Variants in CTNNA3 observed in about 807,000 individuals in gnomAD.
CTNNA3 encodes the protein catenin alpha-3.
CTNNA3 carries 76 observed loss-of-function variants against 95.7 expected under a neutral mutation model. That is an observed-to-expected ratio of 0.79 (90% CI 0.66 to 0.96). The LOEUF is 0.96. Among genes scored for constraint, CTNNA3 ranks in the 40% least tolerant of loss-of-function variants. The pLI is 0.00. For missense variants in CTNNA3, 1,191 were observed against 1,089.8 expected (o/e 1.09, Z -1.31); for synonymous variants, 431 against 374.4 (o/e 1.15, Z -1.74).
intron 10 of CTNNA3, among the ~76,000 whole-genome samples, chr10:66,554,388 A>G (rs1201093125): frequency 6.6e-6 from 1 of 152,070 alleles, no homozygotes; most frequent in Non-Finnish European, 1.5e-5. Context: ...TCTATTATCT[A>G]CTATCAGTGT....
At chr10:66,342,248 C>A (rs76206211) in intron 12 of CTNNA3, among the ~76,000 whole-genome samples, 1 of 151,886 alleles carries the variant, frequency 6.6e-6, no homozygotes, top group Non-Finnish European at 1.5e-5. Flanking sequence ...TGGCTTTAAA[C>A]GCTGGGATCA....
At chr10:67,328,252 G>A (rs191672332) in intron 5 of CTNNA3, among the ~76,000 whole-genome samples, 7 of 152,334 alleles carry the variant, frequency 4.6e-5, no homozygotes, top group Admixed American at 4.6e-4. Context: ...CTCTCTACCA[G>A]TCAGGCACAA....
At chr10:66,936,302 T>C (rs548862726) in intron 7 of CTNNA3, among the ~76,000 whole-genome samples, 1 of 152,102 alleles carries the variant, frequency 6.6e-6, no homozygotes, top group African/African-American at 2.4e-5. Flanking sequence ...AAGCTCACAT[T>C]ATACGTTTCT....
chr10:66,468,221 T>C (rs1450151614), intron 11 of CTNNA3, among the ~76,000 whole-genome samples: 1 of 151,952 alleles, frequency 6.6e-6, no homozygotes, highest in African/African-American at 2.4e-5. Context: ...CCAAAATCTA[T>C]GATCTCCGAA....
At chr10:66,697,413 T>C (rs1472961545) in intron 9 of CTNNA3, among the ~76,000 whole-genome samples, 2 of 143,758 alleles carry the variant, frequency 1.4e-5, no homozygotes, top group African/African-American at 5.4e-5. Flanking sequence ...TCCAATAAAC[T>C]TTGGGAAAAA....
chr10:67,013,456 C>T (rs986389614), intron 7 of CTNNA3, among the ~76,000 whole-genome samples: 25 of 152,150 alleles, frequency 1.6e-4, no homozygotes, highest in African/African-American at 5.3e-4. Context: ...TTTAAAGAGA[C>T]AGAATTCTCA....
chr10:66,578,784 C>CTTTTTTTTTTTTTTTTTTTTTTT (rs71035156), intron 10 of CTNNA3, among the ~76,000 whole-genome samples: 1 of 143,240 alleles, frequency 7.0e-6, no homozygotes. Context: ...ATTTTTCTTT[C>CTTTTTTTTTTTTTTTTTTTTTTT]TTTTTTTTTT....
chr10:66,507,856 G>T (rs559299605), intron 11 of CTNNA3, among the ~76,000 whole-genome samples: 1 of 152,080 alleles, frequency 6.6e-6, no homozygotes, highest in South Asian at 2.1e-4. Context: ...CTTTCCTTTG[G>T]ATAAATACCC....
intron 12 of CTNNA3, among the ~76,000 whole-genome samples, chr10:66,355,355 ATAT>A (rs1236867946): frequency 1.3e-5 from 2 of 152,098 alleles, no homozygotes; most frequent in African/African-American, 4.8e-5. Flanking sequence ...AATGAAAATA[ATAT>A]TATGCTCATA....
At chr10:67,348,572 C>A (rs575310257) in intron 5 of CTNNA3, among the ~76,000 whole-genome samples, 154 of 152,136 alleles carry the variant, frequency 1.0e-3, no homozygotes, top group African/African-American at 3.4e-3. Context: ...AAAGGGGGAG[C>A]CTGCGTTTCA....
intron 7 of CTNNA3, chr10:67,098,865 C>T (rs1858166153): frequency 6.6e-6 from 1 of 151,802 alleles, no homozygotes; most frequent in Non-Finnish European, 1.5e-5. Context: ...GCAAAATGTG[C>T]CTGGTTCTTA....
In CTNNA3 at chr10:66,409,291, G is replaced by T. The variant is rs2093082017; in HGVS notation, c.1532-29939C>A. Among the ~76,000 whole-genome samples the T allele has an allele frequency of 3.3e-5, 5 of 152,124 alleles. No individual in the cohort carries two copies. The South Asian group carries it at 1.0e-3, about 32-fold the overall frequency. The stretch of plus-strand genomic sequence containing the variant: ...ATTTTGGGATTTGAGAATTTAGATT[G>T]CTCTAACTTTGCTTCATGTTTTTGG... On this transcript the variant is annotated intron_variant, in intron 11 of 17. Transcript: ENST00000433211.
rs116935105 is a variant in CTNNA3, at chr10:67,053,899, G to C, written c.1047+126418C>G. 4.6e-3 allele frequency among the ~76,000 whole-genome samples: 707 copies of C among 152,184 alleles called. 6 individuals are homozygous for C. Among genetic ancestry groups the C allele is most frequent in the Non-Finnish European group, 6.6e-3 (448 of 67,994 alleles). ...GACTTGTGCTAGAAAGGGCTATATTGTCATGATTACCTCCCAAATGGTCAA... is the reference window on the plus strand; with the variant it reads ...GACTTGTGCTAGAAAGGGCTATATTCTCATGATTACCTCCCAAATGGTCAA... On this transcript the variant is annotated intron_variant, in intron 7 of 17. Coordinates refer to ENST00000433211, the MANE Select transcript of CTNNA3 (RefSeq NM_013266.4).
chr10:66,136,800 T>C (rs2083379260), intron 13 of CTNNA3, among the ~76,000 whole-genome samples: 1 of 152,158 alleles, frequency 6.6e-6, no homozygotes, highest in Admixed American at 6.6e-5. Context: ...TTACATTTGC[T>C]TAATACTTAT....
chr10:66,242,090 C>A (rs1210125425), intron 13 of CTNNA3, among the ~76,000 whole-genome samples: 1 of 152,012 alleles, frequency 6.6e-6, no homozygotes, highest in Non-Finnish European at 1.5e-5. Context: ...TATGCTCAGC[C>A]CCCCTGCCAT....
At chr10:67,060,130 A>T (rs1855677798) in intron 7 of CTNNA3, among the ~76,000 whole-genome samples, 1 of 152,142 alleles carries the variant, frequency 6.6e-6, no homozygotes, top group African/African-American at 2.4e-5. Flanking sequence ...AGCCTGGGCA[A>T]CATGGCGAAA....
At chr10:66,441,496 A>G (rs2093375372) in intron 11 of CTNNA3, among the ~76,000 whole-genome samples, 2 of 152,232 alleles carry the variant, frequency 1.3e-5, no homozygotes, top group Non-Finnish European at 2.9e-5. Context: ...AATACGAAGT[A>G]ATTTTTAAGC....
intron 17 of CTNNA3, among the ~76,000 whole-genome samples, chr10:65,953,578 C>A (rs1437105774): frequency 6.6e-6 from 1 of 151,716 alleles, no homozygotes; most frequent in African/African-American, 2.4e-5. Flanking sequence ...ATGTTCCCCA[C>A]CCTGTGTCCA....
At chr10:66,999,310 G>A (rs374177996) in intron 7 of CTNNA3, among the ~76,000 whole-genome samples, 3 of 152,006 alleles carry the variant, frequency 2.0e-5, no homozygotes, top group Non-Finnish European at 2.9e-5. Context: ...TTGCTAAATC[G>A]ACACTGGAAT....
Sources: allele counts gnomAD v4.1 joint callset (sites outside exome capture counted in the v4.1 genomes callset), GRCh38; gene constraint gnomAD v4.1.1; transcripts MANE v1.5; gene names NCBI Gene and HGNC (gene_info 2026-07-23, HGNC 2026-07-21).